The following ERC1 variants were observed in gnomAD, a reference collection of about 807,000 sequenced individuals.
ERC1 encodes the protein ELKS/RAB6-interacting/CAST family member 1.
A neutral mutation model predicts 132.0 loss-of-function variants in ERC1; 56 were observed. That is an observed-to-expected ratio of 0.42 (90% CI 0.34 to 0.53). ERC1 has a LOEUF of 0.53. Among genes scored for constraint, ERC1 ranks in the 20% least tolerant of loss-of-function variants. The pLI is 0.03. For missense variants in ERC1, 1,202 were observed against 1,349.9 expected (o/e 0.89, Z 1.72); for synonymous variants, 478 against 476.1 (o/e 1.00, Z -0.05).
intron 1 of ERC1, among the ~76,000 whole-genome samples, chr12:996,937 T>C (rs1961047926): frequency 1.3e-5 from 2 of 152,178 alleles, no homozygotes; most frequent in South Asian, 2.1e-4. Flanking sequence ...TTATACTTTT[T>C]GAGAAGGGTC....
intron 8 of ERC1, among the ~76,000 whole-genome samples, chr12:1,153,708 C>T (rs887926699): frequency 2.0e-5 from 3 of 152,184 alleles, no homozygotes; most frequent in Non-Finnish European, 2.9e-5. Flanking sequence ...GTTTGCCAAG[C>T]GGGGCAGGTG....
At chr12:1,296,154 G>T (rs1010055175) in intron 15 of ERC1, among the ~76,000 whole-genome samples, 16 of 151,944 alleles carry the variant, frequency 1.1e-4, no homozygotes, top group African/African-American at 3.6e-4. Flanking sequence ...GTGAGAACCT[G>T]TCTCTACAAA....
intron 8 of ERC1, among the ~76,000 whole-genome samples, chr12:1,170,335 A>AT (rs971798619): frequency 4.6e-5 from 7 of 152,250 alleles, no homozygotes; most frequent in African/African-American, 7.2e-5. Context: ...AATACAATGG[A>AT]TTTTTTTAAA....
chr12:1,456,184 G>A (rs887538034), intron 18 of ERC1, among the ~76,000 whole-genome samples: 2 of 152,184 alleles, frequency 1.3e-5, no homozygotes, highest in East Asian at 3.8e-4. Context: ...CCAATTTGGG[G>A]CGTAATATTG....
intron 4 of ERC1, among the ~76,000 whole-genome samples, chr12:1,107,115 C>T (rs750203121): frequency 3.9e-4 from 59 of 152,200 alleles, no homozygotes; most frequent in Non-Finnish European, 6.9e-4. Flanking sequence ...CTTTCCTCTT[C>T]TTATCCCTTC....
At chr12:1,195,927 A>G (rs901092955) in intron 12 of ERC1, among the ~76,000 whole-genome samples, 2 of 139,968 alleles carry the variant, frequency 1.4e-5, no homozygotes, top group Non-Finnish European at 3.1e-5. Context: ...AAAGAGTTAA[A>G]GTTTTTTGGT....
rs1472329831 is a variant in ERC1, at chr12:1,329,329, G to T, written c.2780+39317G>T. On this transcript the variant is annotated intron_variant, in intron 15 of 18. Coordinates refer to ENST00000360905, the MANE Select transcript of ERC1 (RefSeq NM_178040.4). ...AAAAGAAAGAAAAGTCTTAGAAAAG[G>T]TTTTTTTTTTCTAAATTTTTCAATA... Among the ~76,000 whole-genome samples the T allele has an allele frequency of 2.2e-5, 3 of 134,318 alleles. No individual in the cohort carries two copies. In the Admixed American group the frequency reaches 2.2e-4, roughly 10 times the overall value. 88.1% of individuals were successfully genotyped at this position (134,318 alleles called of 152,430 possible).
At chr12:1,295,377 T>C (rs1057234145) in intron 15 of ERC1, among the ~76,000 whole-genome samples, 7 of 152,004 alleles carry the variant, frequency 4.6e-5, no homozygotes, top group African/African-American at 1.7e-4. Flanking sequence ...ACAAGCACAG[T>C]ATACTGAGGA....
At chr12:1,091,858 A>T (rs1943263299) in intron 3 of ERC1, among the ~76,000 whole-genome samples, 1 of 152,148 alleles carries the variant, frequency 6.6e-6, no homozygotes, top group African/African-American at 2.4e-5. Flanking sequence ...ACTTGAAATG[A>T]TTGCTGGAGA....
chr12:1,330,160 A>G (rs901850887), intron 15 of ERC1, among the ~76,000 whole-genome samples: 8 of 152,230 alleles, frequency 5.3e-5, no homozygotes, highest in African/African-American at 1.9e-4. Flanking sequence ...CATAAACAAC[A>G]TAATACACGA....
chr12:1,473,200 A>G (rs902923485), intron 18 of ERC1, among the ~76,000 whole-genome samples: 1 of 151,936 alleles, frequency 6.6e-6, no homozygotes, highest in Non-Finnish European at 1.5e-5. Context: ...TAATTTTTGT[A>G]TTTTTTTAAG....
chr12:1,146,355 G>T (rs1950366486), intron 8 of ERC1, among the ~76,000 whole-genome samples: 1 of 111,396 alleles, frequency 9.0e-6, no homozygotes, highest in Admixed American at 9.5e-5. Flanking sequence ...AAAAGGGGTT[G>T]AGTTCTTGAT....
chr12:1,243,268 C>G (rs894169004), intron 13 of ERC1, among the ~76,000 whole-genome samples: 6 of 151,510 alleles, frequency 4.0e-5, no homozygotes, highest in African/African-American at 1.5e-4. Context: ...CATAGATTAT[C>G]TGCAAATACG....
chr12:1,004,039 A>G (rs1962985015), intron 1 of ERC1, among the ~76,000 whole-genome samples: 1 of 152,108 alleles, frequency 6.6e-6, no homozygotes, highest in African/African-American at 2.4e-5. Flanking sequence ...GGCAGCTTCT[A>G]AGGAAGATAG....
At chr12:1,410,900 T>C (rs1375684676) in intron 17 of ERC1, among the ~76,000 whole-genome samples, 1 of 151,408 alleles carries the variant, frequency 6.6e-6, no homozygotes, top group Non-Finnish European at 1.5e-5. Context: ...TAATTATAAA[T>C]ACATGGTGTT....
chr12:1,447,267 C>T (rs1038570356), intron 18 of ERC1, among the ~76,000 whole-genome samples: 4 of 152,068 alleles, frequency 2.6e-5, no homozygotes, highest in East Asian at 1.9e-4. Context: ...CCTGTAATCC[C>T]GGCATTTTGG....
rs576900273 is a variant in ERC1 at position 1,369,463 on chromosome 12, C to T, written c.2781-2370C>T. On this transcript the variant is annotated intron_variant, in intron 15 of 18. Coordinates refer to ENST00000360905, the MANE Select transcript of ERC1 (RefSeq NM_178040.4). Reference sequence around the variant, plus strand: ...ATTTCAATCTAATTAGGTAGAGTAACTTATCTGTCATTCACCTGCTGCTGC... The same window carrying T: ...ATTTCAATCTAATTAGGTAGAGTAATTTATCTGTCATTCACCTGCTGCTGC... Among the ~76,000 whole-genome samples the T allele has an allele frequency of 1.3e-4, 20 of 152,318 alleles. 1 individual carries two copies. Among genetic ancestry groups the T allele is most frequent in the African/African-American group, 4.8e-4 (20 of 41,568 alleles).
At chr12:1,427,703 C>T (rs961003498) in intron 17 of ERC1, among the ~76,000 whole-genome samples, 2 of 152,188 alleles carry the variant, frequency 1.3e-5, no homozygotes, top group East Asian at 1.9e-4. Flanking sequence ...GTCACTTCTT[C>T]TCTAAGCATC....
At chr12:1,362,466 C>A (rs1168964620) in intron 15 of ERC1, among the ~76,000 whole-genome samples, 1 of 151,936 alleles carries the variant, frequency 6.6e-6, no homozygotes, top group Non-Finnish European at 1.5e-5. Context: ...CTCTCTCTCT[C>A]TCTGTCTCTC....
Sources: gnomAD v4.1 joint callset for allele counts (sites outside exome capture counted in the v4.1 genomes callset) on GRCh38, gnomAD v4.1.1 for gene constraint, MANE v1.5 for transcripts, NCBI Gene and HGNC (gene_info 2026-07-23, HGNC 2026-07-21) for gene names.